The following NECAB3 variants were observed in gnomAD, a reference collection of about 807,000 sequenced individuals.
NECAB3 encodes N-terminal EF-hand calcium-binding protein 3.
In NECAB3, 38 loss-of-function variants were observed where a neutral mutation model predicts 57.2. The ratio of observed to expected loss-of-function variants is 0.66; its 90% confidence interval spans 0.51 to 0.87. NECAB3 has a LOEUF of 0.87. NECAB3 is among the 40% of genes least tolerant of loss of function. The pLI, the probability that NECAB3 is intolerant of heterozygous loss-of-function variation, is 0.00. For synonymous variants in NECAB3, 223 were observed against 222.6 expected (o/e 1.00, Z -0.02); for missense variants, 474 against 527.5 (o/e 0.90, Z 0.99).
In NECAB3 at chr20:33,658,548, G is replaced by A. The variant is rs540285725; in HGVS notation, c.999C>T (p.Ser333=). The A allele has an allele frequency of 6.8e-5, 110 of 1,614,014 alleles. 1 individual carries two copies. Among genetic ancestry groups the A allele is most frequent in the East Asian group, 2.2e-4 (10 of 44,874 alleles). ...TGAQSHCLHV[S]AQKMLDGASF... is the part of the protein sequence containing the mutation. ...AGGCACCGTCCAGCATCTTCTGGGC[G>A]GACACACTGTAGGGCCAAAGAGATG... is the stretch of plus-strand genomic sequence containing the variant. The change falls in exon 10 of 12, where the codon TCC becomes TCT. Residue 333 remains serine (S), a synonymous_variant. Coordinates refer to ENST00000246190, the MANE Select transcript of NECAB3 (RefSeq NM_031232.4).
At position 33,670,389 on chromosome 20, in the gene NECAB3, G is replaced by A. The variant is rs1021539351; in HGVS notation, c.263+295C>T. The A allele has an allele frequency of 4.5e-5, 16 of 356,472 alleles. No individual in the cohort carries two copies. The South Asian group carries it at 5.4e-4, about 12-fold the overall frequency. The allele number at this position is 356,472 out of a possible 1,614,324, so 22.1% of individuals were successfully genotyped here. On this transcript the variant is annotated intron_variant, in intron 3 of 11. Transcript: ENST00000246190. Reference sequence around the variant, plus strand: ...ACTGCATTCTCGGGTGGAAGCAGGCGGGGCCCAGCTGTCCCCAGGCATCCT... The same window carrying A: ...ACTGCATTCTCGGGTGGAAGCAGGCAGGGCCCAGCTGTCCCCAGGCATCCT...
Position 33,663,741 on chromosome 20 carries a change from C to T in NECAB3, c.388-3346G>A, listed in dbSNP as rs759722540. On this transcript the variant is annotated intron_variant, in intron 5 of 11. Coordinates refer to ENST00000246190, the MANE Select transcript of NECAB3 (RefSeq NM_031232.4). ...CGCGGCGGCCGGAAGAGGGCGGGGC[C>T]AGGGCAGCTCTGAGCTGGCCGCGGC... 11 of 1,520,724 alleles carry T rather than the reference C, an allele frequency of 7.2e-6. No individual in the cohort carries two copies. In the Admixed American group the frequency reaches 2.2e-4, roughly 31 times the overall value. 94.2% of individuals were successfully genotyped at this position (1,520,724 alleles called of 1,614,324 possible).
In NECAB3 at chr20:33,670,696, C is replaced by T; in HGVS notation, c.251G>A (p.Gly84Glu). 2 of 1,613,436 alleles carry T rather than the reference C, an allele frequency of 1.2e-6. No homozygotes were observed. Among genetic ancestry groups the T allele is most frequent in the Non-Finnish European group, 1.7e-6 (2 of 1,179,532 alleles). ...ELQELFSGID[G>E]HLTDNLETEK... ...CTCTCATACTCACTCGGTGAGATGCCCATCAATGCCGCTGAACAGTTCCTG... is the reference window on the plus strand; with the variant it reads ...CTCTCATACTCACTCGGTGAGATGCTCATCAATGCCGCTGAACAGTTCCTG... The change falls in exon 3 of 12, where the codon GGG (glycine) becomes GAG (glutamate). Residue 84 changes from glycine to glutamate, a missense_variant. Physicochemically the swap from Gly to Glu is moderately conservative, Grantham distance 98 (BLOSUM62 -2). Coordinates refer to ENST00000246190, the MANE Select transcript of NECAB3 (RefSeq NM_031232.4).
rs1181034188 is a variant in NECAB3 at position 33,657,960 on chromosome 20, T to G, written c.1144A>C (p.Thr382Pro). 1.3e-6 allele frequency: 2 copies of G among 1,557,276 alleles called. No individual in the cohort carries two copies. The highest frequency in any genetic ancestry group is 2.7e-5 in the African/African-American group (2 of 73,210). The change falls in exon 11 of 12, where the codon ACC becomes CCC. Residue 382 changes from threonine (T) to proline (P), a missense_variant. Thr to Pro is a conservative substitution (Grantham distance 38). Coordinates refer to ENST00000246190, the MANE Select transcript of NECAB3 (RefSeq NM_031232.4). ...CGCATACCTGGGAAGAACACAGTGG[T>G]GAGGGTGTCCGGGGCCCGCAGGTGG... The part of the protein sequence containing the change: ...IDHLRAPDTL[T>P]TVFFPASWWI...
Position 33,660,637 on chromosome 20 carries a change from G to A in NECAB3, c.388-242C>T, listed in dbSNP as rs542858140. ...AACTCACAGGGGGCATCTGCCCAGCGAAGTGCCTGGCCTCTCTGGACCTCA... is the reference window on the plus strand; with the variant it reads ...AACTCACAGGGGGCATCTGCCCAGCAAAGTGCCTGGCCTCTCTGGACCTCA... On this transcript the variant is annotated intron_variant, in intron 5 of 11. Transcript: ENST00000246190. The surrounding 1 kb of genome is among the most constrained non-coding windows in gnomAD (Gnocchi z 4.1). Among the ~76,000 whole-genome samples, 9 of 152,322 alleles carry A rather than the reference G, an allele frequency of 5.9e-5. No individual in the cohort carries two copies. Among genetic ancestry groups the A allele is most frequent in the Non-Finnish European group, 1.0e-4 (7 of 68,020 alleles).
intron 3 of NECAB3, 56 bp downstream of exon 3, chr20:33,670,628 A>G: frequency 1.6e-6 from 2 of 1,279,480 alleles, no homozygotes; most frequent in Non-Finnish European, 2.2e-6. Flanking sequence ...CAGGGGACAC[A>G]GTGGGGTAAA....
chr20:33,666,028 A>G (rs979045119), intron 5 of NECAB3, among the ~76,000 whole-genome samples: 14 of 152,214 alleles, frequency 9.2e-5, no homozygotes, highest in Admixed American at 5.2e-4. Flanking sequence ...GGTTGCACTG[A>G]GCTGAGATTG....
chr20:33,658,099 A>G (rs989439654), intron 10 of NECAB3, 66 bp from the exon 11 acceptor site: 6 of 1,408,860 alleles, frequency 4.3e-6, no homozygotes, highest in Non-Finnish European at 5.8e-6. Flanking sequence ...TGCCAGGATC[A>G]GACCCCGGCC....
chr20:33,659,453 C>CCCAGACACGGCCAT, intron 8 of NECAB3, 44 bp downstream of exon 8: 1 of 1,427,906 alleles, frequency 7.0e-7, no homozygotes. Context: ...CATGAGCACC[C>CCCAGACACGGCCAT]CCAGACACGG....
upstream of NECAB3, chr20:33,674,460 G>A (rs1280475863): frequency 1.3e-5 from 12 of 947,582 alleles, no homozygotes; most frequent in South Asian, 4.4e-4. Context: ...CGACGCGCGG[G>A]CTCAGGCCCC....
chr20:33,674,131 A>T, intron 1 of NECAB3, 93 bp downstream of exon 1: 1 of 1,192,048 alleles, frequency 8.4e-7, no homozygotes, highest in Non-Finnish European at 1.0e-6. Flanking sequence ...GAAGAGACCC[A>T]GAAACAGCGG....
rs576354426 is a variant in NECAB3, at chr20:33,667,761, C to T, written c.387+1614G>A. ...TCAAGAAGCGCAGCTGCTACGTGTC[C>T]CTGGACTTCGAGGGCGACCTCCGCG... On this transcript the variant is annotated intron_variant, in intron 5 of 11. Transcript: ENST00000246190. The T allele has an allele frequency of 1.6e-5, 25 of 1,612,572 alleles. No individual in the cohort carries two copies. In the African/African-American group the frequency reaches 2.4e-4, roughly 15 times the overall value.
chr20:33,660,090 C>A lies in NECAB3; in HGVS notation c.525-87G>T, dbSNP rs763233727. On this transcript the variant is annotated intron_variant, in intron 6 of 11. Coordinates refer to ENST00000246190, the MANE Select transcript of NECAB3 (RefSeq NM_031232.4). The surrounding 1 kb of genome is among the most constrained non-coding windows in gnomAD (Gnocchi z 4.1). ...GGGGAAGACAAGCCTCCTGGGACTC[C>A]GAGGCCTAGCCCCAAAGCCAGTCTC... 6.6e-7 allele frequency: 1 copy of A among 1,518,540 alleles called. No individual in the cohort carries two copies. Among genetic ancestry groups the A allele is most frequent in the East Asian group, 2.3e-5 (1 of 42,974 alleles). 94.1% of individuals were successfully genotyped at this position (1,518,540 alleles called of 1,614,324 possible).
intron 5 of NECAB3, chr20:33,662,205 G>C: frequency 8.8e-7 from 1 of 1,136,768 alleles, no homozygotes; most frequent in East Asian, 2.6e-5. Context: ...GTGGAGCCCA[G>C]ATTCACCTGT....
At position 33,659,575 on chromosome 20, in the gene NECAB3, G is replaced by A. The variant is rs772003976; in HGVS notation, c.801C>T (p.Pro267=). The A allele has an allele frequency of 4.3e-5, 69 of 1,593,244 alleles. No individual in the cohort carries two copies. Among genetic ancestry groups the A allele is most frequent in the Non-Finnish European group, 5.6e-5 (66 of 1,168,858 alleles). Residue 267 remains proline (P), a synonymous_variant, in exon 8 of 12, where the codon CCC becomes CCT. Transcript: ENST00000246190. Reference sequence around the variant, plus strand: ...CCTGTGAGGGCACAGAGTGTGGGCCGGGCCTCCAGCATGGGCCTGGCTCTG... The same window carrying A: ...CCTGTGAGGGCACAGAGTGTGGGCCAGGCCTCCAGCATGGGCCTGGCTCTG... The part of the protein sequence containing the change: ...YPPEPGPCWR[P]GPHSVPSQAP...
At chr20:33,667,261 G>A (rs2017684685) in intron 5 of NECAB3, 7 of 441,294 alleles carry the variant, frequency 1.6e-5, no homozygotes, top group South Asian at 1.4e-4. Flanking sequence ...GGTGCTGCCC[G>A]GAGCGCCGGG....
intron 7 of NECAB3, 53 bp downstream of exon 7, chr20:33,659,831 AG>A (rs1217437821): frequency 1.8e-5 from 27 of 1,533,830 alleles, no homozygotes; most frequent in Non-Finnish European, 2.1e-5. Context: ...CCCTGGGGGA[AG>A]GGGGGATGCG....
Position 33,657,731 on chromosome 20 carries a change from G to A in NECAB3, c.*98C>T, listed in dbSNP as rs1180854100. On this transcript the variant is annotated 3_prime_UTR_variant, in exon 12 of 12. Transcript: ENST00000246190. Reference sequence around the variant, plus strand: ...CCTTCCACCAGGCCCAAGTCCAGGAGGAGACAAGTCCTGGTCTTTGCGCTG... The same window carrying A: ...CCTTCCACCAGGCCCAAGTCCAGGAAGAGACAAGTCCTGGTCTTTGCGCTG... 1 of 1,302,638 alleles carries A rather than the reference G, an allele frequency of 7.7e-7. No homozygotes were observed. The highest frequency in any genetic ancestry group is 1.5e-5 in the African/African-American group (1 of 66,712). The allele number at this position is 1,302,638 out of a possible 1,614,324, so 80.7% of individuals were successfully genotyped here.
At chr20:33,664,034 G>A (rs564214641) in intron 5 of NECAB3, 20 of 578,236 alleles carry the variant, frequency 3.5e-5, no homozygotes, top group Middle Eastern at 4.6e-4. Flanking sequence ...ACGGTCTGGA[G>A]CCAGGGCTGT....
Sources: gnomAD v4.1 joint callset for allele counts (sites outside exome capture counted in the v4.1 genomes callset) on GRCh38, gnomAD v4.1.1 for gene constraint, Gnocchi (gnomAD v3.1) non-coding constraint, MANE v1.5 for transcripts, NCBI Gene and HGNC (gene_info 2026-07-23, HGNC 2026-07-21) for gene names.